The following CD55 variants were observed in gnomAD, a reference collection of about 807,000 sequenced individuals.
The protein encoded by CD55 is complement decay-accelerating factor.
A neutral mutation model predicts 45.8 loss-of-function variants in CD55; 41 were observed. The observed-to-expected ratio is 0.90, with a 90% confidence interval of 0.70 to 1.16. The LOEUF is 1.16. Among genes scored for constraint, CD55 ranks in the 50% most tolerant of loss-of-function variants. CD55 has a pLI of 0.00. For missense variants in CD55, 416 were observed against 469.8 expected, an observed-to-expected ratio of 0.89 and a Z score of 1.06; for synonymous variants, 181 against 181.1, an observed-to-expected ratio of 1.00 and a Z score of 0.01.
At chr1:207,345,166 C>G (rs1183992108) in intron 9 of CD55, among the ~76,000 whole-genome samples, 2 of 152,118 alleles carry the variant, frequency 1.3e-5, no homozygotes, top group African/African-American at 4.8e-5. Flanking sequence ...CCTTCTGAGA[C>G]TCCTAAAATT....
chr1:207,352,236 ATT>A (rs906440809), intron 9 of CD55, among the ~76,000 whole-genome samples: 1 of 120,122 alleles, frequency 8.3e-6, no homozygotes, highest in Admixed American at 8.8e-5. Flanking sequence ...GTGTTTCCCA[ATT>A]TTTTTTTGTG....
chr1:207,345,718 A>G (rs1655605542), intron 9 of CD55, among the ~76,000 whole-genome samples: 1 of 151,938 alleles, frequency 6.6e-6, no homozygotes, highest in Non-Finnish European at 1.5e-5. Flanking sequence ...TAATTTTTCA[A>G]ATTTGCTTTT....
chr1:207,325,566 T>C, intron 3 of CD55, 56 bp from the exon 4 acceptor site: 1 of 1,068,936 alleles, frequency 9.4e-7, no homozygotes, highest in South Asian at 1.4e-5. Flanking sequence ...AGTTACCTTC[T>C]TTGTGTGTAT....
chr1:207,334,559 GAA>G (rs761564325), intron 6 of CD55, among the ~76,000 whole-genome samples: 2 of 152,132 alleles, frequency 1.3e-5, no homozygotes, highest in Non-Finnish European at 2.9e-5. Flanking sequence ...GCGAAAGGCA[GAA>G]AGAGGTAAAT....
At chr1:207,345,652 C>T (rs1319932275) in intron 9 of CD55, among the ~76,000 whole-genome samples, 2 of 151,992 alleles carry the variant, frequency 1.3e-5, no homozygotes, top group African/African-American at 2.4e-5. Context: ...TGTTTTTTCA[C>T]GTTTCCTGCA....
At chr1:207,347,467 A>T (rs1655693490) in intron 9 of CD55, 1 of 337,012 alleles carries the variant, frequency 3.0e-6, no homozygotes, top group Non-Finnish European at 5.9e-6. Context: ...TCACCGTGTT[A>T]TCCAGGATGG....
At position 207,354,317 on chromosome 1, in the gene CD55, T is replaced by C. The variant is rs566298120; in HGVS notation, c.1082-5229T>C. The C allele has an allele frequency of 2.2e-5, 18 of 817,208 alleles. No individual in the cohort carries two copies. The African/African-American group carries it at 3.0e-4, about 13-fold the overall frequency. The allele number at this position is 817,208 out of a possible 1,614,324, so 50.6% of individuals were successfully genotyped here. ...CCCTTTCTTGGTCTCAGTTTTCTTA[T>C]CTGGAAACAAGATATTAAGTGCAAT... On this transcript the variant is annotated intron_variant, in intron 9 of 9. Coordinates refer to ENST00000367064, the MANE Select transcript of CD55 (RefSeq NM_000574.5).
chr1:207,360,267 T>A lies in CD55; in HGVS notation c.*657T>A, dbSNP rs1656246019. On this transcript the variant is annotated 3_prime_UTR_variant, in exon 10 of 10. Coordinates refer to ENST00000367064, the MANE Select transcript of CD55 (RefSeq NM_000574.5). ...GAAAGGTGTCTTCTTTGACTTAATG[T>A]CTTTAAAAGTATCCAGAGATACTAC... is the stretch of plus-strand genomic sequence containing the variant. The A allele has an allele frequency of 6.6e-6, 1 of 152,190 alleles. No individual in the cohort carries two copies. Among genetic ancestry groups the A allele is most frequent in the African/African-American group, 2.4e-5 (1 of 41,458 alleles). 9.4% of individuals were successfully genotyped at this position (152,190 alleles called of 1,614,324 possible).
chr1:207,352,872 AT>A (rs561646251), intron 9 of CD55, among the ~76,000 whole-genome samples: 10 of 151,774 alleles, frequency 6.6e-5, no homozygotes, highest in East Asian at 1.9e-4. Context: ...TACTGTACTG[AT>A]TTTTTTTAAT....
intron 2 of CD55, among the ~76,000 whole-genome samples, chr1:207,323,645 A>G (rs1328835157): frequency 6.6e-6 from 1 of 152,240 alleles, no homozygotes; most frequent in African/African-American, 2.4e-5. Context: ...TTAAATCAAT[A>G]GAAGCTACTG....
intron 6 of CD55, among the ~76,000 whole-genome samples, chr1:207,334,970 G>A (rs1034037972): frequency 2.6e-5 from 4 of 151,892 alleles, no homozygotes; most frequent in Non-Finnish European, 5.9e-5. Context: ...AGTAAAGGAT[G>A]GAAAAATATA....
intron 9 of CD55, among the ~76,000 whole-genome samples, chr1:207,341,175 C>G (rs904115658): frequency 1.3e-5 from 2 of 152,178 alleles, no homozygotes; most frequent in Admixed American, 1.3e-4. Context: ...AGTACCTTTA[C>G]AGATGAATAG....
intron 5 of CD55, among the ~76,000 whole-genome samples, chr1:207,329,826 G>C (rs1235899178): frequency 2.0e-5 from 3 of 151,962 alleles, no homozygotes; most frequent in Non-Finnish European, 4.4e-5. Flanking sequence ...TGTCCAGGCT[G>C]GTCTCGAACT....
At chr1:207,343,893 T>A (rs1440482414) in intron 9 of CD55, among the ~76,000 whole-genome samples, 1 of 152,218 alleles carries the variant, frequency 6.6e-6, no homozygotes, top group Non-Finnish European at 1.5e-5. Flanking sequence ...GCTGAATTGA[T>A]CTCTTTGTCA....
At chr1:207,349,171 A>G (rs895920089) in intron 9 of CD55, among the ~76,000 whole-genome samples, 4 of 151,774 alleles carry the variant, frequency 2.6e-5, no homozygotes, top group Admixed American at 6.6e-5. Context: ...GGCCCTTTTT[A>G]AAAATTTTGT....
At chr1:207,354,032 G>A (rs1369022061) in intron 9 of CD55, 2 of 1,535,514 alleles carry the variant, frequency 1.3e-6, no homozygotes, top group Non-Finnish European at 1.7e-6. Flanking sequence ...CTTTTGAAGT[G>A]TCTGGGTCAT....
intron 9 of CD55, among the ~76,000 whole-genome samples, chr1:207,348,382 T>C (rs1220387381): frequency 6.6e-6 from 1 of 152,234 alleles, no homozygotes; most frequent in East Asian, 1.9e-4. Context: ...GAGAAGTGTC[T>C]GTTTATGTCC....
At chr1:207,346,276 A>C (rs1385538027) in intron 9 of CD55, among the ~76,000 whole-genome samples, 2 of 152,102 alleles carry the variant, frequency 1.3e-5, no homozygotes, top group Non-Finnish European at 2.9e-5. Flanking sequence ...CTGACTTCAG[A>C]CACCAGGAAG....
At chr1:207,339,017 G>A (rs1190839908) in intron 8 of CD55, among the ~76,000 whole-genome samples, 2 of 152,070 alleles carry the variant, frequency 1.3e-5, no homozygotes, top group African/African-American at 4.8e-5. Flanking sequence ...CTGCTAAAAG[G>A]GACTTAGTCG....
Sources: gnomAD v4.1 joint callset for allele counts (sites outside exome capture counted in the v4.1 genomes callset) on GRCh38, gnomAD v4.1.1 for gene constraint, MANE v1.5 for transcripts, NCBI Gene and HGNC (gene_info 2026-07-23, HGNC 2026-07-21) for gene names.